Variants in CCDC91 observed in about 807,000 individuals in gnomAD.
CCDC91 encodes the protein coiled-coil domain-containing protein 91.
In CCDC91, 48 loss-of-function variants were observed where a neutral mutation model predicts 63.2. That is an observed-to-expected ratio of 0.76 (90% CI 0.60 to 0.97). CCDC91 has a LOEUF of 0.97. Ranked by LOEUF, CCDC91 falls within the 50% of genes least tolerant of loss-of-function variation. The probability of loss-of-function intolerance (pLI) is 0.00; values close to 1 mark genes in which losing one functional copy is unlikely to be tolerated. For synonymous variants in CCDC91, 167 were observed against 165.8 expected (o/e 1.01, Z -0.06); for missense variants, 500 against 494.6 (o/e 1.01, Z -0.10).
intron 12 of CCDC91, among the ~76,000 whole-genome samples, chr12:28,491,990 A>G (rs1177565606): frequency 1.3e-5 from 2 of 149,998 alleles, no homozygotes; most frequent in African/African-American, 4.9e-5. Context: ...TGTCTGTTTG[A>G]AGGACCTCTA....
chr12:28,514,018 G>A (rs1263454519), intron 12 of CCDC91, among the ~76,000 whole-genome samples: 1 of 151,816 alleles, frequency 6.6e-6, no homozygotes, highest in Non-Finnish European at 1.5e-5. Flanking sequence ...TCTGTTTTTA[G>A]CTCTTTGAGG....
chr12:28,401,762 A>G (rs1438603492), intron 8 of CCDC91, among the ~76,000 whole-genome samples: 1 of 152,190 alleles, frequency 6.6e-6, no homozygotes, highest in Admixed American at 6.5e-5. Flanking sequence ...GTTTTCTATT[A>G]TAGATTGTGT....
At chr12:28,192,083 T>G (rs1941304940) in intron 1 of CCDC91, among the ~76,000 whole-genome samples, 1 of 152,252 alleles carries the variant, frequency 6.6e-6, no homozygotes, top group Admixed American at 6.5e-5. Flanking sequence ...TCAAAACTTC[T>G]GAGACATTTT....
intron 11 of CCDC91, among the ~76,000 whole-genome samples, chr12:28,456,768 A>G (rs577340925): frequency 1.3e-5 from 2 of 152,080 alleles, no homozygotes; most frequent in African/African-American, 2.4e-5. Flanking sequence ...TGTGTATTAA[A>G]TGTGTGATGC....
chr12:28,356,654 T>C (rs953091853), intron 6 of CCDC91, among the ~76,000 whole-genome samples: 2 of 152,178 alleles, frequency 1.3e-5, no homozygotes, highest in Non-Finnish European at 2.9e-5. Flanking sequence ...GAAGCCTATA[T>C]TGGAAAACCT....
At chr12:28,244,703 G>A (rs1945598656) in intron 1 of CCDC91, among the ~76,000 whole-genome samples, 2 of 151,058 alleles carry the variant, frequency 1.3e-5, no homozygotes, top group African/African-American at 4.9e-5. Context: ...ACTTACATAC[G>A]GCTTTTCCAT....
intron 3 of CCDC91, among the ~76,000 whole-genome samples, chr12:28,277,288 T>C (rs10771420): frequency 0.99 from 150,811 of 152,126 alleles, 74,767 homozygotes; most frequent in Middle Eastern, 1. Context: ...TCTATAGGTA[T>C]TACCTCAATT....
At chr12:28,344,522 C>G (rs529885002) in intron 6 of CCDC91, among the ~76,000 whole-genome samples, 3 of 151,954 alleles carry the variant, frequency 2.0e-5, no homozygotes, top group Non-Finnish European at 4.4e-5. Flanking sequence ...CAAATTTTAT[C>G]GGCATATATA....
chr12:28,486,277 C>G (rs1449180724), intron 12 of CCDC91, among the ~76,000 whole-genome samples: 1 of 152,156 alleles, frequency 6.6e-6, no homozygotes, highest in Non-Finnish European at 1.5e-5. Context: ...GTAATGCCCT[C>G]AAGGATCATC....
At chr12:28,507,533 C>G (rs1274970399) in intron 12 of CCDC91, among the ~76,000 whole-genome samples, 1 of 151,984 alleles carries the variant, frequency 6.6e-6, no homozygotes, top group Non-Finnish European at 1.5e-5. Context: ...GGGATTTATA[C>G]AAACTATTCT....
At chr12:28,252,663 A>T (rs1215238461) in intron 1 of CCDC91, among the ~76,000 whole-genome samples, 1 of 151,900 alleles carries the variant, frequency 6.6e-6, no homozygotes. Flanking sequence ...TAACTTTCTG[A>T]AGATACTATG....
chr12:28,207,723 A>T (rs1437620604), intron 1 of CCDC91, among the ~76,000 whole-genome samples: 1 of 152,206 alleles, frequency 6.6e-6, no homozygotes, highest in Non-Finnish European at 1.5e-5. Context: ...ACATCAATAT[A>T]TTTAATTTGG....
intron 12 of CCDC91, among the ~76,000 whole-genome samples, chr12:28,523,324 T>C (rs531892766): frequency 1.3e-5 from 2 of 152,324 alleles, no homozygotes; most frequent in Admixed American, 6.5e-5. Flanking sequence ...TTTACCATTA[T>C]GTAATGGCCT....
At chr12:28,404,531 T>C (rs1385265203) in intron 8 of CCDC91, among the ~76,000 whole-genome samples, 1 of 152,106 alleles carries the variant, frequency 6.6e-6, no homozygotes, top group Non-Finnish European at 1.5e-5. Context: ...TGTTGTTGAG[T>C]TCAGCTACAT....
chr12:28,275,964 A>C (rs1041216504), intron 3 of CCDC91, among the ~76,000 whole-genome samples: 2 of 152,106 alleles, frequency 1.3e-5, no homozygotes, highest in Non-Finnish European at 2.9e-5. Flanking sequence ...TATTGATGGG[A>C]CGTATCTCAA....
Position 28,490,495 on chromosome 12 carries a change from A to G in CCDC91, c.1215+6330A>G, listed in dbSNP as rs569929676. 2.0e-5 allele frequency among the ~76,000 whole-genome samples: 3 copies of G among 151,970 alleles called. No homozygotes were observed. The East Asian group carries it at 5.8e-4, about 30-fold the overall frequency. ...AATTATATCCATTTCAGGTGGCACA[A>G]TAAACAAATGGAAAAATATTTGGAT... On this transcript the variant is annotated intron_variant, in intron 12 of 12. Coordinates refer to ENST00000536442, the MANE Select transcript of CCDC91 (RefSeq NM_018318.5).
At chr12:28,288,835 T>C (rs1168042508) in intron 3 of CCDC91, among the ~76,000 whole-genome samples, 1 of 152,210 alleles carries the variant, frequency 6.6e-6, no homozygotes, top group Non-Finnish European at 1.5e-5. Flanking sequence ...GTTGGTAGGC[T>C]ACTTATTATT....
At chr12:28,363,220 T>G (rs1944018381) in intron 7 of CCDC91, among the ~76,000 whole-genome samples, 1 of 152,080 alleles carries the variant, frequency 6.6e-6, no homozygotes, top group African/African-American at 2.4e-5. Flanking sequence ...TCCATCTACT[T>G]TTATATACTT....
intron 6 of CCDC91, among the ~76,000 whole-genome samples, chr12:28,331,294 A>G (rs1308375506): frequency 6.6e-6 from 1 of 152,176 alleles, no homozygotes; most frequent in African/African-American, 2.4e-5. Context: ...GTTGTCAGTA[A>G]TCTCCTGGAT....
Sources: gnomAD v4.1 joint callset for allele counts (sites outside exome capture counted in the v4.1 genomes callset) on GRCh38, gnomAD v4.1.1 for gene constraint, MANE v1.5 for transcripts, NCBI Gene and HGNC (gene_info 2026-07-23, HGNC 2026-07-21) for gene names.